CELF2: variants seen among roughly 807,000 people sequenced by gnomAD.
CELF2 encodes CUGBP Elav-like family member 2, also known as CUG triplet repeat RNA-binding protein 2.
A neutral mutation model predicts 62.6 loss-of-function variants in CELF2; 8 were observed. That is an observed-to-expected ratio of 0.13 (90% CI 0.07 to 0.23). CELF2 has a LOEUF of 0.23. CELF2 is among the 10% of genes least tolerant of loss of function. CELF2 has a pLI of 1.00. For missense variants in CELF2, 333 were observed against 671.0 expected, an observed-to-expected ratio of 0.50 and a Z score of 5.56; for synonymous variants, 258 against 250.0, an observed-to-expected ratio of 1.03 and a Z score of -0.30.
chr10:10,473,820 C>CA, the CELF2 span, among the ~76,000 whole-genome samples: 1 of 152,046 alleles, frequency 6.6e-6, no homozygotes, highest in Non-Finnish European at 1.5e-5. Context: ...AAAAGAGAAT[C>CA]ATGTCATTTT....
chr10:11,301,209 C>T (rs924022813), intron 9 of CELF2, among the ~76,000 whole-genome samples: 2 of 152,070 alleles, frequency 1.3e-5, no homozygotes, highest in African/African-American at 2.4e-5. Flanking sequence ...TTCTCCCTTT[C>T]GTCGTGGATC....
chr10:10,788,453 CTTTTTTTTTTT>C, the CELF2 span, among the ~76,000 whole-genome samples: 20 of 95,730 alleles, frequency 2.1e-4, 1 homozygote, highest in Non-Finnish European at 1.3e-4. Flanking sequence ...TTCTTTCCAT[CTTTTTTTTTTT>C]TTTTTTTTTT....
rs754122340 is a variant in CELF2 at position 11,156,703 on chromosome 10, A to G, written c.75-8783A>G. On this transcript the variant is annotated intron_variant, in intron 1 of 12. Transcript: ENST00000633077. The surrounding 1 kb of genome is among the most constrained non-coding windows in gnomAD (Gnocchi z 4.3). ...GTCTTCAGGATGTCACACTTCCACC[A>G]TGCACTTGATGGGGCTTCCGTGAAT... Among the ~76,000 whole-genome samples the G allele has an allele frequency of 1.4e-4, 21 of 152,180 alleles. No homozygotes were observed. The highest frequency in any genetic ancestry group is 2.9e-4 in the Non-Finnish European group (20 of 68,036).
At chr10:11,174,939 AT>A (rs1554901095) in intron 2 of CELF2, among the ~76,000 whole-genome samples, 3 of 152,184 alleles carry the variant, frequency 2.0e-5, no homozygotes, top group Non-Finnish European at 4.4e-5. Context: ...ATTGCTATCA[AT>A]TTTAATACCT....
chr10:10,853,523 C>G (rs193037722), intron 1 of CELF2, among the ~76,000 whole-genome samples: 12 of 151,980 alleles, frequency 7.9e-5, no homozygotes, highest in Non-Finnish European at 1.8e-4. Context: ...CATAACTACA[C>G]TCGTAGAATG....
the CELF2 span, among the ~76,000 whole-genome samples, chr10:10,482,749 T>C: frequency 6.6e-6 from 1 of 152,180 alleles, no homozygotes; most frequent in Admixed American, 6.5e-5. Context: ...ACCTGCCCTG[T>C]ACAAACCAAC....
At chr10:11,045,337 A>G (rs932509477) in intron 1 of CELF2, among the ~76,000 whole-genome samples, 4 of 152,154 alleles carry the variant, frequency 2.6e-5, no homozygotes, top group African/African-American at 9.7e-5. Flanking sequence ...TCCCGGCCTC[A>G]AGCAGTCCTC....
intron 9 of CELF2, among the ~76,000 whole-genome samples, chr10:11,298,302 C>T (rs995558362): frequency 1.3e-5 from 2 of 152,206 alleles, no homozygotes; most frequent in Non-Finnish European, 1.5e-5. Flanking sequence ...GGTGCCATCT[C>T]GACCTGGTAC....
chr10:11,321,422 C>T lies in CELF2; in HGVS notation c.1294+36C>T. On this transcript the variant is annotated intron_variant, in intron 11 of 12. Coordinates refer to ENST00000633077, the MANE Select transcript of CELF2 (RefSeq NM_001326342.2). The surrounding 1 kb of genome is among the most constrained non-coding windows in gnomAD (Gnocchi z 6.2). ...CCCTTGGCCCCAGGCAGGGCCCAGC[C>T]CAACAGGCAGCACTGGCCTCTAGAG... 2 of 1,572,070 alleles carry T rather than the reference C, an allele frequency of 1.3e-6. 1 individual carries two copies. Among genetic ancestry groups the T allele is most frequent in the Admixed American group, 3.4e-5 (2 of 59,226 alleles).
At chr10:11,187,585 A>T (rs966193124) in intron 2 of CELF2, among the ~76,000 whole-genome samples, 1 of 144,632 alleles carries the variant, frequency 6.9e-6, no homozygotes, top group Non-Finnish European at 1.5e-5. Context: ...CCCCCCCCCA[A>T]CCTGTTCTTC....
chr10:11,255,691 C>T lies in CELF2; in HGVS notation c.404-2047C>T, dbSNP rs981923066. The stretch of plus-strand genomic sequence containing the variant: ...GAAGGGATTCTGACCCCCCACTCAC[C>T]GTCCCTGCCTCAAGAGCCCCAGTCA... On this transcript the variant is annotated intron_variant, in intron 4 of 12. Coordinates refer to ENST00000633077, the MANE Select transcript of CELF2 (RefSeq NM_001326342.2). This position sits in a 1 kb window ranked among gnomAD's most constrained non-coding sequence, Gnocchi z 5.5. 2.0e-5 allele frequency among the ~76,000 whole-genome samples: 3 copies of T among 152,084 alleles called. No individual in the cohort carries two copies. The highest frequency in any genetic ancestry group is 7.2e-5 in the African/African-American group (3 of 41,396).
chr10:10,875,569 C>A (rs922465490), intron 1 of CELF2, among the ~76,000 whole-genome samples: 1 of 152,156 alleles, frequency 6.6e-6, no homozygotes, highest in Non-Finnish European at 1.5e-5. Context: ...TTTACTGTAG[C>A]GTAGGAGGGT....
At position 10,975,744 on chromosome 10, in the gene CELF2, A is replaced by C. The variant is rs375061203; in HGVS notation, c.89+55745A>C. Among the ~76,000 whole-genome samples, 9 of 152,370 alleles carry C rather than the reference A, an allele frequency of 5.9e-5. No individual in the cohort carries two copies. In the East Asian group the frequency reaches 1.2e-3, roughly 20 times the overall value. On this transcript the variant is annotated intron_variant, in intron 2 of 13. Coordinates refer to the CELF2 transcript ENST00000636488. ...CTGATGATGCAGGACTGTGAGCCCC[A>C]AAGCTGGGCTTAACCCAGGCGGGTT...
At chr10:10,716,500 C>T in the CELF2 span, among the ~76,000 whole-genome samples, 1 of 152,180 alleles carries the variant, frequency 6.6e-6, no homozygotes, top group African/African-American at 2.4e-5. Flanking sequence ...GAGATCACAC[C>T]ACTGTACTCC....
intron 1 of CELF2, among the ~76,000 whole-genome samples, chr10:10,913,963 G>A (rs2064088305): frequency 6.6e-6 from 1 of 150,390 alleles, no homozygotes; most frequent in Non-Finnish European, 1.5e-5. Flanking sequence ...GAAGGAAAAA[G>A]GGAAAGGAAG....
the CELF2 span, among the ~76,000 whole-genome samples, chr10:10,673,338 A>G: frequency 2.0e-5 from 3 of 152,122 alleles, no homozygotes; most frequent in Non-Finnish European, 4.4e-5. Flanking sequence ...GTGACAGGGA[A>G]CATCCTTGCC....
the CELF2 span, among the ~76,000 whole-genome samples, chr10:10,532,140 C>T: frequency 1.1e-4 from 17 of 152,232 alleles, no homozygotes; most frequent in African/African-American, 3.6e-4. Context: ...CTTTGCAACC[C>T]TTTCTGTTAC....
chr10:10,574,872 GTTTTTTTTT>G, the CELF2 span, among the ~76,000 whole-genome samples: 1 of 105,980 alleles, frequency 9.4e-6, no homozygotes, highest in African/African-American at 3.2e-5. Context: ...ACCATGCCTG[GTTTTTTTTT>G]TTTTTTTTTT....
rs2096058949 is a variant in CELF2 at position 11,333,071 on chromosome 10, C to T, written c.*4018C>T. ...AAAACAATTTACTGAAGCCGACTCC[C>T]CTCCCCATCTCCCTCTCAACCTCAA... On this transcript the variant is annotated 3_prime_UTR_variant, in exon 13 of 13. Transcript: ENST00000633077. 1 of 152,214 alleles carries T rather than the reference C, an allele frequency of 6.6e-6. No homozygotes were observed. The highest frequency in any genetic ancestry group is 6.5e-5 in the Admixed American group (1 of 15,296). 9.4% of individuals were successfully genotyped at this position (152,214 alleles called of 1,614,324 possible).
Sources: allele counts gnomAD v4.1 joint callset (sites outside exome capture counted in the v4.1 genomes callset), GRCh38; gene constraint gnomAD v4.1.1; non-coding constraint Gnocchi (gnomAD v3.1); transcripts MANE v1.5; gene names NCBI Gene and HGNC (gene_info 2026-07-23, HGNC 2026-07-21).